Variants in RSRC1 observed in about 807,000 individuals in gnomAD.
The protein encoded by RSRC1 is serine/Arginine-related protein 53.
A neutral mutation model predicts 49.1 loss-of-function variants in RSRC1; 39 were observed. The observed-to-expected ratio is 0.79, with a 90% CI of 0.61 to 1.04. The LOEUF (loss-of-function observed/expected upper bound fraction) is 1.04, where lower values mean the gene tolerates loss of function less well. RSRC1 is among the 50% of genes least tolerant of loss of function. The pLI is 0.00. For missense variants in RSRC1, 388 were observed against 402.4 expected, an observed-to-expected ratio of 0.96 and a Z score of 0.31; for synonymous variants, 143 against 130.8, an observed-to-expected ratio of 1.09 and a Z score of -0.63.
chr3:158,285,605 C>G (rs1369143699), intron 4 of RSRC1, among the ~76,000 whole-genome samples: 1 of 152,110 alleles, frequency 6.6e-6, no homozygotes, highest in African/African-American at 2.4e-5. Flanking sequence ...AGAGGTCCTT[C>G]ACATCCCTTG....
chr3:158,166,461 T>G (rs1368757446), intron 3 of RSRC1, among the ~76,000 whole-genome samples: 1 of 152,168 alleles, frequency 6.6e-6, no homozygotes, highest in Admixed American at 6.6e-5. Context: ...TGAAGCAAAT[T>G]GTAGGCTAAT....
At chr3:158,166,957 C>G (rs1718574761) in intron 3 of RSRC1, among the ~76,000 whole-genome samples, 1 of 152,146 alleles carries the variant, frequency 6.6e-6, no homozygotes, top group African/African-American at 2.4e-5. Context: ...TTGTCTTTGG[C>G]TATTGGGAAA....
At chr3:158,216,830 A>T (rs1721970895) in intron 4 of RSRC1, among the ~76,000 whole-genome samples, 1 of 151,580 alleles carries the variant, frequency 6.6e-6, no homozygotes, top group South Asian at 2.1e-4. Context: ...CTTTATTTTG[A>T]ACTAAGTAAA....
chr3:158,466,205 A>G (rs941780175), intron 7 of RSRC1, among the ~76,000 whole-genome samples: 63 of 152,150 alleles, frequency 4.1e-4, no homozygotes, highest in African/African-American at 1.5e-3. Flanking sequence ...TTATTTTCGT[A>G]ATAGCTAAGT....
intron 7 of RSRC1, among the ~76,000 whole-genome samples, chr3:158,468,473 G>A (rs1342272126): frequency 6.6e-6 from 1 of 152,154 alleles, no homozygotes; most frequent in Non-Finnish European, 1.5e-5. Flanking sequence ...CGATTCAGAT[G>A]TTATTTTTAA....
intron 4 of RSRC1, among the ~76,000 whole-genome samples, chr3:158,278,219 A>C (rs1725929048): frequency 6.6e-6 from 1 of 152,240 alleles, no homozygotes; most frequent in Admixed American, 6.5e-5. Flanking sequence ...ACTTCTGATT[A>C]AATACCACAT....
intron 4 of RSRC1, among the ~76,000 whole-genome samples, chr3:158,231,401 G>A (rs894187545): frequency 6.6e-5 from 10 of 151,810 alleles, no homozygotes; most frequent in Admixed American, 2.0e-4. Context: ...CTCCCATATC[G>A]CTGGGACTAC....
At chr3:158,415,887 T>C (rs879256726) in intron 6 of RSRC1, among the ~76,000 whole-genome samples, 6 of 152,084 alleles carry the variant, frequency 3.9e-5, no homozygotes, top group Non-Finnish European at 8.8e-5. Flanking sequence ...CATTGATTAT[T>C]CCTAGGTTGT....
chr3:158,177,727 G>A (rs1161750213), intron 3 of RSRC1, among the ~76,000 whole-genome samples: 2 of 152,038 alleles, frequency 1.3e-5, no homozygotes, highest in Admixed American at 1.3e-4. Context: ...AACCAACATG[G>A]CACATGTATG....
chr3:158,506,790 A>G (rs1486650171), intron 7 of RSRC1, among the ~76,000 whole-genome samples: 1 of 151,036 alleles, frequency 6.6e-6, no homozygotes, highest in East Asian at 1.9e-4. Context: ...TAAAAGTAGA[A>G]CTACCATATG....
chr3:158,150,073 C>G (rs1051920040), intron 3 of RSRC1, among the ~76,000 whole-genome samples: 1 of 151,924 alleles, frequency 6.6e-6, no homozygotes, highest in Non-Finnish European at 1.5e-5. Context: ...CTTTTTTGTT[C>G]CAAAAGGTTT....
intron 5 of RSRC1, 55 bp from the exon 6 acceptor site, chr3:158,354,802 A>T: frequency 7.4e-7 from 1 of 1,347,472 alleles, no homozygotes; most frequent in Non-Finnish European, 1.0e-6. Flanking sequence ...TCCATCAATT[A>T]AAACTGACCT....
chr3:158,235,829 T>G (rs980284443), intron 4 of RSRC1, among the ~76,000 whole-genome samples: 2 of 152,048 alleles, frequency 1.3e-5, no homozygotes, highest in African/African-American at 4.8e-5. Flanking sequence ...ATTAGAAAAA[T>G]AAACCAGGCC....
At chr3:158,231,053 T>TTTCC (rs763323971) in intron 4 of RSRC1, among the ~76,000 whole-genome samples, 17 of 151,868 alleles carry the variant, frequency 1.1e-4, no homozygotes, top group Non-Finnish European at 1.9e-4. Flanking sequence ...TTTAGCACAC[T>TTTCC]ATAGAAATGC....
At chr3:158,116,805 G>A (rs796731524) in intron 1 of RSRC1, among the ~76,000 whole-genome samples, 38 of 152,220 alleles carry the variant, frequency 2.5e-4, no homozygotes, top group African/African-American at 8.9e-4. Flanking sequence ...GTACTAGAAT[G>A]TAAGCTTCTA....
rs1377864295 is a variant in RSRC1 at position 158,229,098 on chromosome 3, A to G, written c.494+25853A>G. Among the ~76,000 whole-genome samples, 4 of 150,112 alleles carry G rather than the reference A, an allele frequency of 2.7e-5. 1 individual carries two copies. Among genetic ancestry groups the G allele is most frequent in the African/African-American group, 7.3e-5 (3 of 40,826 alleles). On this transcript the variant is annotated intron_variant, in intron 4 of 9. Transcript: ENST00000611884. ...TGTATATGTGTGTATAAACACACATACGTGTATATGTGTATATAAACATAC... is the reference window on the plus strand; with the variant it reads ...TGTATATGTGTGTATAAACACACATGCGTGTATATGTGTATATAAACATAC...
At chr3:158,535,809 A>G (rs552418929) in intron 7 of RSRC1, among the ~76,000 whole-genome samples, 2 of 151,630 alleles carry the variant, frequency 1.3e-5, no homozygotes, top group East Asian at 3.9e-4. Context: ...ACTCATAATG[A>G]TCATCTTTGG....
At chr3:158,412,882 G>C (rs1449067446) in intron 6 of RSRC1, among the ~76,000 whole-genome samples, 2 of 152,066 alleles carry the variant, frequency 1.3e-5, no homozygotes, top group Non-Finnish European at 2.9e-5. Context: ...TCACAGATAG[G>C]AAGAATCAAT....
intron 1 of RSRC1, among the ~76,000 whole-genome samples, chr3:158,116,201 A>G (rs144687953): frequency 1.1e-3 from 173 of 152,276 alleles, no homozygotes; most frequent in African/African-American, 4.0e-3. Flanking sequence ...TGCAAGCTTG[A>G]ATTTTATCAT....
Sources: allele counts gnomAD v4.1 joint callset (sites outside exome capture counted in the v4.1 genomes callset), GRCh38; gene constraint gnomAD v4.1.1; transcripts MANE v1.5; gene names NCBI Gene and HGNC (gene_info 2026-07-23, HGNC 2026-07-21).